Variants in XRN1 observed in about 807,000 individuals in gnomAD.
XRN1 encodes strand-exchange protein 1 homolog.
In XRN1, 67 loss-of-function variants were observed where a neutral mutation model predicts 222.3. The observed-to-expected ratio is 0.30, with a 90% CI of 0.25 to 0.37. XRN1 has a LOEUF of 0.37. Ranked by LOEUF, XRN1 falls within the 10% of genes least tolerant of loss-of-function variation. The pLI, the probability that XRN1 is intolerant of heterozygous loss-of-function variation, is 1.00. For synonymous variants in XRN1, 643 were observed against 652.4 expected, an observed-to-expected ratio of 0.99 and a Z score of 0.22; for missense variants, 1,707 against 2,000.2, an observed-to-expected ratio of 0.85 and a Z score of 2.80.
At chr3:142,379,225 C>T (rs1026582427) in intron 23 of XRN1, among the ~76,000 whole-genome samples, 3 of 152,188 alleles carry the variant, frequency 2.0e-5, no homozygotes, top group African/African-American at 7.2e-5. Context: ...GAGCCAAGAT[C>T]GTGCCACTGC....
chr3:142,364,268 G>GAT (rs1332253021), intron 29 of XRN1, among the ~76,000 whole-genome samples: 1 of 152,182 alleles, frequency 6.6e-6, no homozygotes, highest in Non-Finnish European at 1.5e-5. Context: ...CGGTGCCTGG[G>GAT]ATATATATAG....
At chr3:142,438,840 C>T (rs946013640) in intron 1 of XRN1, among the ~76,000 whole-genome samples, 2 of 152,082 alleles carry the variant, frequency 1.3e-5, no homozygotes, top group African/African-American at 2.4e-5. Context: ...AGAGACAACT[C>T]GCAATTATGT....
chr3:142,337,029 T>A (rs1383183084), intron 33 of XRN1, among the ~76,000 whole-genome samples: 1 of 152,062 alleles, frequency 6.6e-6, no homozygotes, highest in African/African-American at 2.4e-5. Context: ...AAATAGCTTT[T>A]TAGAAAAATG....
At position 142,310,674 on chromosome 3, in the gene XRN1, T is replaced by TAC. The variant is rs1405769179; in HGVS notation, c.*835_*836dup. 1 of 152,606 alleles carries TAC rather than the reference T, an allele frequency of 6.6e-6. No individual in the cohort carries two copies. Among genetic ancestry groups the TAC allele is most frequent in the Non-Finnish European group, 1.5e-5 (1 of 68,014 alleles). The allele number at this position is 152,606 out of a possible 1,614,324, so 9.5% of individuals were successfully genotyped here. On this transcript the variant is annotated 3_prime_UTR_variant, in exon 41 of 41. Coordinates refer to ENST00000392981, the MANE Select transcript of XRN1 (RefSeq NM_001282857.2). ...GCAAATAAAAAGCTATACAAAATAA[T>TAC]ACAGTTTATTAATTAACATGACTAA...
rs772691340 is a variant in XRN1 at position 142,347,355 on chromosome 3, A to G, written c.3769-13T>C. 2.7e-6 allele frequency: 4 copies of G among 1,492,388 alleles called. No individual in the cohort carries two copies. Among genetic ancestry groups the G allele is most frequent in the Non-Finnish European group, 3.6e-6 (4 of 1,107,936 alleles). The allele number at this position is 1,492,388 out of a possible 1,614,324, so 92.4% of individuals were successfully genotyped here. Reference sequence around the variant, plus strand: ...GTAGAACTGCACCCTGAAAATTAAAATTCTTATAAATTAAACAAAATCTTA... The same window carrying G: ...GTAGAACTGCACCCTGAAAATTAAAGTTCTTATAAATTAAACAAAATCTTA... On this transcript the variant is annotated splice_polypyrimidine_tract_variant and intron_variant, in intron 32 of 40. Transcript: ENST00000392981.
At chr3:142,366,175 T>A (rs1293546362) in intron 27 of XRN1, among the ~76,000 whole-genome samples, 1 of 152,194 alleles carries the variant, frequency 6.6e-6, no homozygotes, top group Non-Finnish European at 1.5e-5. Flanking sequence ...AAAATTTATA[T>A]CCTTTACAAT....
chr3:142,361,969 T>A, intron 29 of XRN1, among the ~76,000 whole-genome samples: 2 of 133,964 alleles, frequency 1.5e-5, no homozygotes, highest in Non-Finnish European at 1.6e-5. Context: ...CTCTCTTTTT[T>A]TTTTTTTTTT....
At chr3:142,426,925 A>G in intron 2 of XRN1, 84 bp from the exon 3 acceptor site, 1 of 961,342 alleles carries the variant, frequency 1.0e-6, no homozygotes, top group Non-Finnish European at 1.6e-6. Flanking sequence ...AGGTGCCTTT[A>G]TAACTAAAAT....
chr3:142,393,031 A>T, intron 20 of XRN1, among the ~76,000 whole-genome samples: 1 of 151,646 alleles, frequency 6.6e-6, no homozygotes, highest in East Asian at 1.9e-4. Flanking sequence ...CTGGTGTGAG[A>T]TGGTATCTCA....
chr3:142,379,757 A>G (rs2067247860), intron 23 of XRN1, among the ~76,000 whole-genome samples: 1 of 152,206 alleles, frequency 6.6e-6, no homozygotes, highest in African/African-American at 2.4e-5. Flanking sequence ...CAGGCTCTGA[A>G]TTATTATGAA....
At position 142,447,001 on chromosome 3, in the gene XRN1, G is replaced by C. The variant is rs534744055; in HGVS notation, c.75+869C>G. On this transcript the variant is annotated intron_variant, in intron 1 of 40. Coordinates refer to ENST00000392981, the MANE Select transcript of XRN1 (RefSeq NM_001282857.2). This position sits in a 1 kb window ranked among gnomAD's most constrained non-coding sequence, Gnocchi z 4.2. Reference sequence around the variant, plus strand: ...CAAGCTTTTTTTCTGTAAAGCATCAGAAAAGAGATCAAATTCATTAAATGT... The same window carrying C: ...CAAGCTTTTTTTCTGTAAAGCATCACAAAAGAGATCAAATTCATTAAATGT... Among the ~76,000 whole-genome samples, 1 of 146,946 alleles carries C rather than the reference G, an allele frequency of 6.8e-6. No individual in the cohort carries two copies. The highest frequency in any genetic ancestry group is 2.1e-4 in the South Asian group (1 of 4,824).
chr3:142,404,039 A>C, intron 16 of XRN1, 50 bp from the exon 17 acceptor site: 1 of 1,443,930 alleles, frequency 6.9e-7, no homozygotes, highest in Non-Finnish European at 9.6e-7. Flanking sequence ...ATTACAAACA[A>C]TTACAGTTTT....
chr3:142,432,665 A>C lies in XRN1; in HGVS notation c.304T>G (p.Phe102Val), dbSNP rs1270672673. 6.3e-7 allele frequency: 1 copy of C among 1,588,960 alleles called. No homozygotes were observed. The highest frequency in any genetic ancestry group is 1.8e-5 in the Admixed American group (1 of 56,856). The change falls in exon 2 of 41, where the codon TTT becomes GTT. Residue 102 changes from phenylalanine (F) to valine (V), a missense_variant. Around this residue, in one of 2 missense-constraint regions of XRN1, gnomAD observed 1,234 missense variants for 1,518.2 expected, o/e 0.81. Coordinates refer to ENST00000392981, the MANE Select transcript of XRN1 (RefSeq NM_001282857.2). Reference protein sequence around the residue: ...AKMNQQRGRRFRSAKEAEDKI... With the variant: ...AKMNQQRGRRVRSAKEAEDKI... ...AATAAAACATAAATGTTTTACCTAA[A>C]ACGCCTCCCACGCTGCTGGTTCATT...
chr3:142,315,045 C>T (rs572423237), intron 39 of XRN1, among the ~76,000 whole-genome samples: 15 of 150,352 alleles, frequency 1.0e-4, no homozygotes, highest in African/African-American at 3.2e-4. Context: ...ACTGATCCTC[C>T]TGCCTCAACC....
intron 34 of XRN1, 67 bp downstream of exon 34, chr3:142,335,381 A>G (rs1017946447): frequency 6.9e-7 from 1 of 1,444,386 alleles, no homozygotes; most frequent in Admixed American, 1.7e-5. Flanking sequence ...AATTCAGTCC[A>G]ATGCTACAGA....
intron 39 of XRN1, among the ~76,000 whole-genome samples, chr3:142,317,799 AT>A (rs2065249631): frequency 6.6e-6 from 1 of 152,194 alleles, no homozygotes; most frequent in African/African-American, 2.4e-5. Context: ...CAATCTACTT[AT>A]GCTCATTTGT....
chr3:142,375,708 T>C (rs1436407686), intron 25 of XRN1, 90 bp downstream of exon 25: 3 of 1,271,844 alleles, frequency 2.4e-6, no homozygotes, highest in Non-Finnish European at 3.1e-6. Flanking sequence ...ATGGAAATAT[T>C]TGTCCTCTAA....
In XRN1 at chr3:142,426,747, G is replaced by A; in HGVS notation, c.403C>T (p.Pro135Ser). 1 of 1,611,290 alleles carries A rather than the reference G, an allele frequency of 6.2e-7. No individual in the cohort carries two copies. The highest frequency in any genetic ancestry group is 8.5e-7 in the Non-Finnish European group (1 of 1,178,542). Reference sequence around the variant, plus strand: ...ATTTGTCTCTCAGTGAATTTACCTGGTGTGATACAGTTGGAATCAAATCTG... The same window carrying A: ...ATTTGTCTCTCAGTGAATTTACCTGATGTGATACAGTTGGAATCAAATCTG... ...EARFDSNCIT[P>S]GTEFMARLHE... The change falls in exon 3 of 41, where the codon CCA becomes TCA. Residue 135 changes from proline to serine, a missense_variant. Transcript: ENST00000392981.
chr3:142,446,980 C>T (rs567926593), intron 1 of XRN1, among the ~76,000 whole-genome samples: 2 of 151,988 alleles, frequency 1.3e-5, no homozygotes, highest in South Asian at 4.1e-4. Flanking sequence ...AAATTTCAAG[C>T]TTTTTTTCTG....
Sources: gnomAD v4.1 joint callset for allele counts (sites outside exome capture counted in the v4.1 genomes callset) on GRCh38, gnomAD v4.1.1 for gene constraint, gnomAD v4.1.1 regional missense constraint, Gnocchi (gnomAD v3.1) non-coding constraint, MANE v1.5 for transcripts, NCBI Gene and HGNC (gene_info 2026-07-23, HGNC 2026-07-21) for gene names.